The following TENM1 variants were observed in gnomAD, a reference collection of about 807,000 sequenced individuals.
The protein encoded by TENM1 is teneurin transmembrane protein 1.
Under a neutral mutation model 174.8 loss-of-function variants are expected in TENM1, and 35 were observed. The ratio of observed to expected loss-of-function variants is 0.20; its 90% confidence interval spans 0.15 to 0.27. The LOEUF is 0.27. Ranked by LOEUF, TENM1 falls within the 10% of genes least tolerant of loss-of-function variation. The pLI is 1.00. For synonymous variants in TENM1, 781 were observed against 798.7 expected (o/e 0.98, Z 0.37); for missense variants, 1,633 against 2,130.1 (o/e 0.77, Z 4.59).
chrX:125,128,103 T>A, the TENM1 span, among the ~76,000 whole-genome samples: 1 of 111,800 alleles, frequency 8.9e-6, no homozygotes, highest in Non-Finnish European at 1.9e-5. Context: ...CCTTATTTGT[T>A]CTCCTTCCTT....
chrX:124,655,474 C>T (rs778688577), intron 6 of TENM1, among the ~76,000 whole-genome samples: 35 of 111,809 alleles, frequency 3.1e-4, no homozygotes, highest in African/African-American at 9.7e-4. Context: ...CCTCATTTCA[C>T]ATCACCTTTA....
the TENM1 span, among the ~76,000 whole-genome samples, chrX:125,081,786 T>C: frequency 9.0e-6 from 1 of 111,473 alleles, no homozygotes; most frequent in African/African-American, 3.2e-5. Flanking sequence ...ACATGGTACA[T>C]ACACACTACG....
At chrX:124,621,965 G>C (rs1392560933) in intron 11 of TENM1, among the ~76,000 whole-genome samples, 1 of 112,122 alleles carries the variant, frequency 8.9e-6, no homozygotes, top group Non-Finnish European at 1.9e-5. Context: ...TATTTGTGTT[G>C]TAATTTGGAC....
intron 3 of TENM1, among the ~76,000 whole-genome samples, chrX:124,878,219 T>C (rs1444822929): frequency 2.7e-5 from 3 of 111,618 alleles, no homozygotes; most frequent in African/African-American, 9.8e-5. Context: ...GCTTGTTTTA[T>C]TTCAATCTAG....
the TENM1 span, among the ~76,000 whole-genome samples, chrX:125,188,220 C>G: frequency 9.0e-6 from 1 of 110,549 alleles, no homozygotes; most frequent in Non-Finnish European, 1.9e-5. Flanking sequence ...GTAGTCTCTG[C>G]TACTTTGGAG....
chrX:124,715,447 A>G (rs1404350203), intron 4 of TENM1, among the ~76,000 whole-genome samples: 5 of 110,645 alleles, frequency 4.5e-5, no homozygotes, highest in African/African-American at 1.6e-4. Context: ...CCCTTTGCTG[A>G]AAGTCAGTTC....
At chrX:125,012,102 CAT>C in the TENM1 span, among the ~76,000 whole-genome samples, 2 of 111,704 alleles carry the variant, frequency 1.8e-5, no homozygotes, top group African/African-American at 6.5e-5. Context: ...CGAAACACCA[CAT>C]GTTCTCACTC....
At chrX:124,456,606 A>T (rs2061109488) in intron 22 of TENM1, among the ~76,000 whole-genome samples, 1 of 111,865 alleles carries the variant, frequency 8.9e-6, no homozygotes, top group African/African-American at 3.2e-5. Context: ...CATAATGCTT[A>T]TTGTTATAAC....
At chrX:125,192,413 G>A in the TENM1 span, among the ~76,000 whole-genome samples, 2 of 111,727 alleles carry the variant, frequency 1.8e-5, no homozygotes, top group African/African-American at 6.5e-5. Flanking sequence ...GTCAACCTTT[G>A]GAAGCCAGAG....
At chrX:125,175,498 G>A in the TENM1 span, among the ~76,000 whole-genome samples, 7 of 111,471 alleles carry the variant, frequency 6.3e-5, no homozygotes, top group African/African-American at 2.0e-4. Context: ...CAAATTATTC[G>A]AGAACACTTA....
the TENM1 span, among the ~76,000 whole-genome samples, chrX:125,018,304 A>G: frequency 2.6e-3 from 295 of 111,681 alleles, 1 homozygote; most frequent in African/African-American, 9.1e-3. Flanking sequence ...AAACTTTACC[A>G]TAATGATTTG....
intron 3 of TENM1, among the ~76,000 whole-genome samples, chrX:124,788,661 T>C (rs1191622917): frequency 8.9e-6 from 1 of 112,693 alleles, no homozygotes; most frequent in Admixed American, 9.3e-5. Flanking sequence ...ATCTTAATGC[T>C]CCAAAATGAT....
At chrX:124,910,465 AAT>A (rs1455889008) in intron 1 of TENM1, among the ~76,000 whole-genome samples, 1 of 112,314 alleles carries the variant, frequency 8.9e-6, no homozygotes, top group Non-Finnish European at 1.9e-5. Flanking sequence ...GGATAGATGT[AAT>A]ATGAGTCTAC....
intron 11 of TENM1, among the ~76,000 whole-genome samples, chrX:124,570,920 T>G: frequency 9.0e-6 from 1 of 111,478 alleles, no homozygotes. Context: ...GCCAATGAAA[T>G]TATGCAAGAA....
At chrX:124,595,938 C>T (rs188139350) in intron 11 of TENM1, among the ~76,000 whole-genome samples, 176 of 111,760 alleles carry the variant, frequency 1.6e-3, no homozygotes, top group East Asian at 3.3e-3. Context: ...TAGTTTAGCA[C>T]GGGAAGCTGT....
the TENM1 span, among the ~76,000 whole-genome samples, chrX:125,200,000 A>T: frequency 9.0e-6 from 1 of 111,404 alleles, no homozygotes; most frequent in Non-Finnish European, 1.9e-5. Context: ...AATTGCCATA[A>T]CAGAGCACCG....
At chrX:124,619,444 A>G (rs1474061280) in intron 11 of TENM1, among the ~76,000 whole-genome samples, 2 of 112,209 alleles carry the variant, frequency 1.8e-5, no homozygotes, top group Non-Finnish European at 3.8e-5. Context: ...GTAACATACC[A>G]TCATAGTCTG....
chrX:124,998,640 G>A, the TENM1 span, among the ~76,000 whole-genome samples: 1 of 111,035 alleles, frequency 9.0e-6, no homozygotes, highest in South Asian at 3.8e-4. Context: ...TTTGACTTAT[G>A]GGAAAAATGA....
chrX:125,123,533 C>T, the TENM1 span, among the ~76,000 whole-genome samples: 1 of 111,472 alleles, frequency 9.0e-6, no homozygotes, highest in Non-Finnish European at 1.9e-5. Flanking sequence ...CTCTTGAACC[C>T]ATGAGGTCGA....
Sources: allele counts gnomAD v4.1 joint callset (sites outside exome capture counted in the v4.1 genomes callset), GRCh38; gene constraint gnomAD v4.1.1; transcripts MANE v1.5; gene names NCBI Gene and HGNC (gene_info 2026-07-23, HGNC 2026-07-21).